Variants in NECTIN2 observed in about 807,000 individuals in gnomAD.
NECTIN2 encodes the protein nectin-2.
NECTIN2 carries 23 observed loss-of-function variants against 56.9 expected under a neutral mutation model. That is an observed-to-expected ratio of 0.40 (90% confidence interval 0.29 to 0.57). The LOEUF is 0.57. Ranked by LOEUF, NECTIN2 falls within the 20% of genes least tolerant of loss-of-function variation. The pLI is 0.38. For synonymous variants in NECTIN2, 302 were observed against 313.8 expected, an observed-to-expected ratio of 0.96 and a Z score of 0.40; for missense variants, 587 against 718.3, an observed-to-expected ratio of 0.82 and a Z score of 2.09.
At chr19:44,868,760 G>GA (rs1431310900) in intron 2 of NECTIN2, among the ~76,000 whole-genome samples, 5 of 151,672 alleles carry the variant, frequency 3.3e-5, no homozygotes. Flanking sequence ...AAAAATACAA[G>GA]AAATTAGCCA....
chr19:44,872,351 G>T (rs927590151), intron 3 of NECTIN2, among the ~76,000 whole-genome samples: 1 of 151,932 alleles, frequency 6.6e-6, no homozygotes, highest in Non-Finnish European at 1.5e-5. Context: ...GCTTTACTGG[G>T]TTCCTGCATG....
chr19:44,868,891 G>A (rs1405905193), intron 2 of NECTIN2, among the ~76,000 whole-genome samples: 3 of 149,864 alleles, frequency 2.0e-5, no homozygotes, highest in African/African-American at 7.4e-5. Flanking sequence ...CAGCCTGGGC[G>A]ACAGAGTGAG....
rs1276899066 is a variant in NECTIN2, at chr19:44,888,677, T to C, written c.*298T>C. 1 of 403,124 alleles carries C rather than the reference T, an allele frequency of 2.5e-6. No individual in the cohort carries two copies. The highest frequency in any genetic ancestry group is 4.5e-6 in the Non-Finnish European group (1 of 220,462). The allele number at this position is 403,124 out of a possible 1,614,324, so 25.0% of individuals were successfully genotyped here. Reference sequence around the variant, plus strand: ...AGACTGTGACCTTAGACCATACCTCTCACCCCCCAATGCCTCGACTCCCCC... The same window carrying C: ...AGACTGTGACCTTAGACCATACCTCCCACCCCCCAATGCCTCGACTCCCCC... On this transcript the variant is annotated 3_prime_UTR_variant, in exon 9 of 9. Transcript: ENST00000252483.
chr19:44,885,303 CTTTCTTTTTTTTTT>C (rs1176046525), intron 6 of NECTIN2, among the ~76,000 whole-genome samples: 1 of 122,904 alleles, frequency 8.1e-6, no homozygotes, highest in Non-Finnish European at 1.7e-5. Context: ...GCTGATCTTT[CTTTCTTTTTTTTTT>C]TTTTTTTTTT....
chr19:44,872,644 CACATGTCT>C (rs1390710170), intron 3 of NECTIN2, among the ~76,000 whole-genome samples: 3 of 151,908 alleles, frequency 2.0e-5, no homozygotes, highest in African/African-American at 7.3e-5. Flanking sequence ...GGGCCATGTC[CACATGTCT>C]ACATGTCTAC....
chr19:44,856,395 G>T (rs1009324017), intron 1 of NECTIN2, among the ~76,000 whole-genome samples: 1 of 152,052 alleles, frequency 6.6e-6, no homozygotes, highest in African/African-American at 2.4e-5. Context: ...GTGTCATTTT[G>T]CTGTCTGGTC....
At chr19:44,869,303 T>G (rs1292487354) in intron 2 of NECTIN2, among the ~76,000 whole-genome samples, 1 of 151,868 alleles carries the variant, frequency 6.6e-6, no homozygotes, top group African/African-American at 2.4e-5. Context: ...TCAGAAAATA[T>G]GATTAAGGGC....
chr19:44,848,009 A>G (rs1968856995), intron 1 of NECTIN2, among the ~76,000 whole-genome samples: 1 of 152,140 alleles, frequency 6.6e-6, no homozygotes, highest in Non-Finnish European at 1.5e-5. Context: ...GTGTATTCCC[A>G]GCGACAAACT....
intron 8 of NECTIN2, 80 bp downstream of exon 8, chr19:44,886,299 A>G (rs765193472): frequency 8.5e-7 from 1 of 1,175,862 alleles, no homozygotes; most frequent in Non-Finnish European, 1.2e-6. Flanking sequence ...AAAGAGGTCA[A>G]AGACTAAAGG....
chr19:44,866,785 G>C (rs980480750), intron 2 of NECTIN2, among the ~76,000 whole-genome samples: 4 of 152,126 alleles, frequency 2.6e-5, no homozygotes, highest in Non-Finnish European at 4.4e-5. Context: ...GCAGCAGACA[G>C]GTTTGATCTG....
intron 6 of NECTIN2, 54 bp from the exon 7 acceptor site, chr19:44,885,883 G>C: frequency 6.9e-7 from 1 of 1,444,444 alleles, no homozygotes; most frequent in Non-Finnish European, 9.7e-7. Flanking sequence ...TAACCCCGGA[G>C]TCAGAGGGAT....
chr19:44,865,832 T>C lies in NECTIN2; in HGVS notation c.478+172T>C, dbSNP rs557887123. 7.1e-4 allele frequency among the ~76,000 whole-genome samples: 108 copies of C among 152,270 alleles called. No individual in the cohort carries two copies. Among genetic ancestry groups the C allele is most frequent in the African/African-American group, 2.6e-3 (108 of 41,562 alleles). The stretch of plus-strand genomic sequence containing the variant: ...CTACCGCGTGCCAGATGCTTTTCTG[T>C]GTGCTGAGGATGTGGCAGGCAACCA... On this transcript the variant is annotated intron_variant, in intron 2 of 8. Coordinates refer to ENST00000252483, the MANE Select transcript of NECTIN2 (RefSeq NM_001042724.2). The surrounding 1 kb of genome is among the most constrained non-coding windows in gnomAD (Gnocchi z 5.2).
intron 5 of NECTIN2, among the ~76,000 whole-genome samples, chr19:44,879,267 G>C (rs1161381539): frequency 6.6e-6 from 1 of 152,056 alleles, no homozygotes; most frequent in Non-Finnish European, 1.5e-5. Flanking sequence ...TCAGAGGCAG[G>C]AGTTCTCTGG....
At chr19:44,860,278 AC>A (rs2122649601) in intron 1 of NECTIN2, among the ~76,000 whole-genome samples, 1 of 152,184 alleles carries the variant, frequency 6.6e-6, no homozygotes, top group African/African-American at 2.4e-5. Flanking sequence ...TAATCCGAAC[AC>A]TTTGGGAGGC....
At chr19:44,884,766 A>T (rs1328847538) in intron 6 of NECTIN2, among the ~76,000 whole-genome samples, 1 of 152,182 alleles carries the variant, frequency 6.6e-6, no homozygotes, top group Non-Finnish European at 1.5e-5. Flanking sequence ...TTCCTGGAAG[A>T]GGGGACATCT....
At chr19:44,863,489 C>T (rs140091783) in intron 1 of NECTIN2, among the ~76,000 whole-genome samples, 48 of 152,224 alleles carry the variant, frequency 3.2e-4, no homozygotes, top group African/African-American at 8.9e-4. Flanking sequence ...GATAGATATG[C>T]TAAAAGCCCA....
intron 1 of NECTIN2, among the ~76,000 whole-genome samples, chr19:44,854,388 C>T (rs916695940): frequency 3.3e-5 from 5 of 151,952 alleles, no homozygotes; most frequent in East Asian, 1.9e-4. Context: ...ATCCTAAAGT[C>T]GGTTTTTTTG....
chr19:44,849,263 G>A lies in NECTIN2; in HGVS notation c.88+2650G>A, dbSNP rs567510653. On this transcript the variant is annotated intron_variant, in intron 1 of 8. Transcript: ENST00000252483. ...ATGAGGCTGAAAGACACTGGAATGGGACGGAGGAGGGTGGGGGAAGGGAGC... is the reference window on the plus strand; with the variant it reads ...ATGAGGCTGAAAGACACTGGAATGGAACGGAGGAGGGTGGGGGAAGGGAGC... Among the ~76,000 whole-genome samples, 6 of 152,208 alleles carry A rather than the reference G, an allele frequency of 3.9e-5. No homozygotes were observed. The South Asian group carries it at 1.2e-3, about 32-fold the overall frequency.
chr19:44,887,637 C>T (rs1969375450), intron 8 of NECTIN2, among the ~76,000 whole-genome samples: 1 of 152,070 alleles, frequency 6.6e-6, no homozygotes, highest in Admixed American at 6.6e-5. Flanking sequence ...AAGAGCAAAA[C>T]TCCGTCTCAA....
Sources: allele counts gnomAD v4.1 joint callset (sites outside exome capture counted in the v4.1 genomes callset), GRCh38; gene constraint gnomAD v4.1.1; non-coding constraint Gnocchi (gnomAD v3.1); transcripts MANE v1.5; gene names NCBI Gene and HGNC (gene_info 2026-07-23, HGNC 2026-07-21).